ACACA: variants seen among roughly 807,000 people sequenced by gnomAD.
ACACA encodes acetyl-CoA carboxylase 1.
In ACACA, 103 loss-of-function variants were observed where a neutral mutation model predicts 296.1. The observed-to-expected ratio is 0.35, with a 90% confidence interval of 0.30 to 0.41. ACACA has a LOEUF of 0.41. ACACA is among the 10% of genes least tolerant of loss of function. The pLI is 1.00. For missense variants in ACACA, 1,554 were observed against 2,989.7 expected (o/e 0.52, Z 11.20); for synonymous variants, 953 against 1,038.6 (o/e 0.92, Z 1.58).
intron 3 of ACACA, among the ~76,000 whole-genome samples, chr17:37,321,924 C>G (rs1011438259): frequency 7.2e-6 from 1 of 139,008 alleles, no homozygotes; most frequent in Non-Finnish European, 1.5e-5. Flanking sequence ...GCCTGGGCGA[C>G]AGAGCAAGAC....
At chr17:37,311,293 A>G (rs2084127801) in intron 3 of ACACA, among the ~76,000 whole-genome samples, 1 of 152,174 alleles carries the variant, frequency 6.6e-6, no homozygotes, top group Admixed American at 6.5e-5. Context: ...GATGGAAGAA[A>G]TCAGAGTGCT....
chr17:37,174,092 G>A (rs376891851), intron 41 of ACACA, among the ~76,000 whole-genome samples: 7 of 132,178 alleles, frequency 5.3e-5, no homozygotes, highest in African/African-American at 8.7e-5. Flanking sequence ...AACTCCTGGC[G>A]TCAAGTGATC....
chr17:37,123,186 T>C (rs1274611595), intron 48 of ACACA, among the ~76,000 whole-genome samples: 1 of 152,198 alleles, frequency 6.6e-6, no homozygotes, highest in Non-Finnish European at 1.5e-5. Context: ...AGGCATGTTA[T>C]GAGGATGATG....
At position 37,110,548 on chromosome 17, in the gene ACACA, G is replaced by A. The variant is rs186870260; in HGVS notation, c.6565+983C>T. ...AGGGTTTCTTGTAACCCAAGTCACC[G>A]TGTTTGGCAGGCAACCTGGCTCAGG... On this transcript the variant is annotated intron_variant, in intron 52 of 55. Coordinates refer to ENST00000616317, the MANE Select transcript of ACACA (RefSeq NM_198834.3). 6.3e-4 allele frequency among the ~76,000 whole-genome samples: 96 copies of A among 152,294 alleles called. 1 individual carries two copies. The highest frequency in any genetic ancestry group is 1.3e-3 in the Admixed American group (20 of 15,302).
chr17:37,323,810 G>A (rs2047462222), intron 3 of ACACA, among the ~76,000 whole-genome samples: 1 of 152,224 alleles, frequency 6.6e-6, no homozygotes, highest in Non-Finnish European at 1.5e-5. Flanking sequence ...CTATTTGGTT[G>A]ATAGCATGCG....
intron 44 of ACACA, among the ~76,000 whole-genome samples, chr17:37,151,015 G>A (rs1288979942): frequency 6.6e-6 from 1 of 151,478 alleles, no homozygotes; most frequent in African/African-American, 2.4e-5. Flanking sequence ...TCGTGCCACT[G>A]CACTCCAGCC....
At chr17:37,098,059 C>T (rs2073099189) in intron 52 of ACACA, 75 bp from the exon 53 acceptor site, 4 of 1,593,020 alleles carry the variant, frequency 2.5e-6, no homozygotes, top group South Asian at 1.1e-5. Flanking sequence ...GCCACAATCA[C>T]GGGAAGCTCA....
intron 1 of ACACA, among the ~76,000 whole-genome samples, chr17:37,386,579 G>A (rs2147777109): frequency 6.6e-6 from 1 of 151,038 alleles, no homozygotes; most frequent in South Asian, 2.1e-4. Flanking sequence ...GCGACAGAGT[G>A]AGACTTTGTC....
intron 42 of ACACA, among the ~76,000 whole-genome samples, chr17:37,156,049 CTTTCTTTTTTTTTTT>C (rs1244734312): frequency 3.9e-5 from 5 of 129,292 alleles, no homozygotes; most frequent in African/African-American, 1.5e-4. Flanking sequence ...TTCTTTCTTT[CTTTCTTTTTTTTTTT>C]TTTTTTTTTT....
chr17:37,246,198 T>C (rs964841128), intron 19 of ACACA, among the ~76,000 whole-genome samples: 1 of 152,226 alleles, frequency 6.6e-6, no homozygotes, highest in Non-Finnish European at 1.5e-5. Flanking sequence ...TTAAAATTAA[T>C]CACATGACAT....
At chr17:37,131,142 C>T (rs2075075529) in intron 45 of ACACA, among the ~76,000 whole-genome samples, 1 of 151,934 alleles carries the variant, frequency 6.6e-6, no homozygotes. Context: ...TTCCCAGGCT[C>T]CAGGGAGTTC....
chr17:37,155,573 G>A, intron 43 of ACACA, 110 bp downstream of exon 43: 2 of 794,280 alleles, frequency 2.5e-6, no homozygotes, highest in South Asian at 1.4e-5. Context: ...TCTAGATTAT[G>A]TCATCTTCAA....
intron 3 of ACACA, among the ~76,000 whole-genome samples, chr17:37,322,398 G>C (rs1266151253): frequency 6.6e-6 from 1 of 152,134 alleles, no homozygotes; most frequent in African/African-American, 2.4e-5. Flanking sequence ...TTGAACATAT[G>C]TTTTAAGACA....
At chr17:37,098,099 G>A (rs1444549027) in intron 52 of ACACA, 115 bp from the exon 53 acceptor site, 1 of 1,322,438 alleles carries the variant, frequency 7.6e-7, no homozygotes, top group Non-Finnish European at 1.1e-6. Context: ...TCCCTCTGTG[G>A]CCTGGCTCTC....
At chr17:37,112,995 G>C (rs1409803663) in intron 51 of ACACA, 93 bp downstream of exon 51, 73 of 1,440,800 alleles carry the variant, frequency 5.1e-5, no homozygotes, top group Non-Finnish European at 6.7e-5. Context: ...GGATGTGGGT[G>C]CTGTAGTGCC....
chr17:37,305,229 C>T (rs28469706), intron 3 of ACACA, among the ~76,000 whole-genome samples: 3,859 of 152,216 alleles, frequency 0.025, 103 homozygotes, highest in African/African-American at 0.055. Context: ...AATTTGGATT[C>T]TGATTTCTTT....
chr17:37,227,667 T>C (rs929577455), intron 25 of ACACA, among the ~76,000 whole-genome samples: 4 of 152,158 alleles, frequency 2.6e-5, no homozygotes, highest in African/African-American at 9.6e-5. Flanking sequence ...GAGACCATCC[T>C]GGCTAACACG....
chr17:37,382,589 C>G (rs903072624), intron 1 of ACACA, among the ~76,000 whole-genome samples: 4 of 152,076 alleles, frequency 2.6e-5, no homozygotes, highest in Non-Finnish European at 5.9e-5. Flanking sequence ...GCGTCAGGTG[C>G]GGTGGCTCAC....
intron 2 of ACACA, among the ~76,000 whole-genome samples, chr17:37,337,896 G>C (rs144249989): frequency 0.011 from 1,609 of 152,150 alleles, 34 homozygotes; most frequent in African/African-American, 0.035. Flanking sequence ...AGGAGATCAA[G>C]ACCATCCTGG....
Sources: allele counts gnomAD v4.1 joint callset (sites outside exome capture counted in the v4.1 genomes callset), GRCh38; gene constraint gnomAD v4.1.1; transcripts MANE v1.5; gene names NCBI Gene and HGNC (gene_info 2026-07-23, HGNC 2026-07-21).